The following PAN3 variants were observed in gnomAD, a reference collection of about 807,000 sequenced individuals.
The protein encoded by PAN3 is PAN2-PAN3 deadenylation complex subunit PAN3.
A neutral mutation model predicts 96.2 loss-of-function variants in PAN3; 19 were observed. That is an observed-to-expected ratio of 0.20 (90% CI 0.14 to 0.29). The LOEUF (loss-of-function observed/expected upper bound fraction) is 0.29, where lower values mean the gene tolerates loss of function less well. Ranked by LOEUF, PAN3 falls within the 10% of genes least tolerant of loss-of-function variation. PAN3 has a pLI of 1.00. For missense variants in PAN3, 882 were observed against 1,108.1 expected, an observed-to-expected ratio of 0.80 and a Z score of 2.90; for synonymous variants, 433 against 406.6, an observed-to-expected ratio of 1.06 and a Z score of -0.78.
rs894306493 is a variant in PAN3, at chr13:28,283,373, T to A, written c.2384+1994T>A. On this transcript the variant is annotated intron_variant, in intron 17 of 18. Transcript: ENST00000380958. ...CAGGAAATTATTCTTATTAATTAAA[T>A]TTTTTAAATAGGTTGTCTATGAATA... Among the ~76,000 whole-genome samples, 28 of 152,210 alleles carry A rather than the reference T, an allele frequency of 1.8e-4. 2 individuals are homozygous for A. Among genetic ancestry groups the A allele is most frequent in the Admixed American group, 1.7e-3 (26 of 15,278 alleles).
intron 6 of PAN3, among the ~76,000 whole-genome samples, chr13:28,220,711 CAGAA>C (rs1346950344): frequency 3.3e-5 from 5 of 152,076 alleles, no homozygotes; most frequent in Admixed American, 2.6e-4. Context: ...ACAAAGGCAT[CAGAA>C]AGAACGTGAA....
chr13:28,197,463 T>A (rs1317915302), intron 5 of PAN3, 117 bp downstream of exon 5: 7 of 973,830 alleles, frequency 7.2e-6, no homozygotes, highest in Non-Finnish European at 1.0e-5. Context: ...ACTTAGGTAA[T>A]TAAAAAAATT....
chr13:28,165,639 T>C (rs1309470175), intron 1 of PAN3, among the ~76,000 whole-genome samples: 1 of 152,190 alleles, frequency 6.6e-6, no homozygotes, highest in African/African-American at 2.4e-5. Context: ...TATTATTCTA[T>C]AGTGTCTTAG....
At chr13:28,232,627 A>C (rs1170624827) in intron 6 of PAN3, 1 of 151,920 alleles carries the variant, frequency 6.6e-6, no homozygotes, top group Non-Finnish European at 1.5e-5. Context: ...TAAAAAATTT[A>C]TAAAGATTAA....
Position 28,292,692 on chromosome 13 carries a change from A to G in PAN3, c.*170A>G. 1.9e-6 allele frequency: 1 copy of G among 520,990 alleles called. No individual in the cohort carries two copies. Among genetic ancestry groups the G allele is most frequent in the East Asian group, 3.5e-5 (1 of 28,958 alleles). The allele number at this position is 520,990 out of a possible 1,614,324, so 32.3% of individuals were successfully genotyped here. Reference sequence around the variant, plus strand: ...TGTTACTTGAAAGGAAGAATGTTTCACTTACCCAAGAGCTATGGCTGCCAT... The same window carrying G: ...TGTTACTTGAAAGGAAGAATGTTTCGCTTACCCAAGAGCTATGGCTGCCAT... On this transcript the variant is annotated 3_prime_UTR_variant, in exon 19 of 19. Transcript: ENST00000380958.
intron 4 of PAN3, among the ~76,000 whole-genome samples, chr13:28,194,466 A>ATATATATATTTTTTTTT (rs1429166016): frequency 8.2e-6 from 1 of 122,116 alleles, no homozygotes; most frequent in African/African-American, 3.6e-5. Context: ...ATATATATAT[A>ATATATATATTTTTTTTT]TTTTTTTTTT....
chr13:28,159,165 A>G (rs1224298891), intron 1 of PAN3, among the ~76,000 whole-genome samples: 1 of 152,206 alleles, frequency 6.6e-6, no homozygotes, highest in Admixed American at 6.5e-5. Flanking sequence ...TGTTCATTGC[A>G]GCACTCTTCA....
chr13:28,259,487 A>G (rs977071135), intron 7 of PAN3, among the ~76,000 whole-genome samples: 3 of 151,666 alleles, frequency 2.0e-5, no homozygotes, highest in Non-Finnish European at 4.4e-5. Context: ...TTGTATTTTT[A>G]GTAGAGACAG....
chr13:28,205,051 A>G (rs531244308), intron 5 of PAN3, among the ~76,000 whole-genome samples: 5 of 152,050 alleles, frequency 3.3e-5, no homozygotes, highest in African/African-American at 7.2e-5. Flanking sequence ...CTCTTGGCCT[A>G]TAAATTCTCA....
At chr13:28,164,086 AAAAAC>A (rs1214601893) in intron 1 of PAN3, among the ~76,000 whole-genome samples, 2 of 152,158 alleles carry the variant, frequency 1.3e-5, no homozygotes, top group Non-Finnish European at 2.9e-5. Flanking sequence ...GAGCTGTCTC[AAAAAC>A]AAAACCAAAC....
intron 12 of PAN3, among the ~76,000 whole-genome samples, chr13:28,268,280 A>G (rs1566246141): frequency 6.6e-6 from 1 of 151,968 alleles, no homozygotes; most frequent in Admixed American, 6.6e-5. Context: ...TATTTTCCCC[A>G]TAGTTTTTAT....
rs546695534 is a variant in PAN3, at chr13:28,256,402, G to A, written c.1111G>A (p.Val371Met). ...CACTCCAAATCCAGCAAGTTACATG[G>A]TGCCTTCTAGTGCCTCTACATCTGT... is the stretch of plus-strand genomic sequence containing the variant. ...SHTPNPASYM[V>M]PSSASTSVNN... Residue 371 changes from valine (V) to methionine (M), a missense_variant, in exon 7 of 19, where the codon GTG becomes ATG. Transcript: ENST00000380958. The A allele has an allele frequency of 4.1e-5, 66 of 1,614,014 alleles. 1 individual carries two copies. In the South Asian group the frequency reaches 6.6e-4, roughly 16 times the overall value.
chr13:28,213,592 T>C (rs981705433), intron 5 of PAN3, among the ~76,000 whole-genome samples: 6 of 152,018 alleles, frequency 3.9e-5, no homozygotes, highest in Admixed American at 3.9e-4. Context: ...GTTTACTGTT[T>C]TGAAACGTAC....
At chr13:28,163,729 T>C (rs1015877350) in intron 1 of PAN3, among the ~76,000 whole-genome samples, 5 of 152,344 alleles carry the variant, frequency 3.3e-5, no homozygotes, top group African/African-American at 4.8e-5. Flanking sequence ...AATGAGTATA[T>C]CATTGTAACT....
intron 5 of PAN3, among the ~76,000 whole-genome samples, chr13:28,211,713 C>T (rs1241378005): frequency 6.6e-6 from 1 of 152,134 alleles, no homozygotes; most frequent in Non-Finnish European, 1.5e-5. Context: ...GGTGAAAGAA[C>T]AGAGATTAGA....
At chr13:28,268,011 T>C (rs955365134) in intron 12 of PAN3, among the ~76,000 whole-genome samples, 1 of 152,242 alleles carries the variant, frequency 6.6e-6, no homozygotes, top group Non-Finnish European at 1.5e-5. Flanking sequence ...AGATATCAGA[T>C]ATTTAACTGG....
At chr13:28,267,471 T>A (rs1886278167) in intron 12 of PAN3, 70 bp downstream of exon 12, 1 of 1,241,608 alleles carries the variant, frequency 8.1e-7, no homozygotes, top group African/African-American at 1.5e-5. Context: ...AGTTTTCTAT[T>A]TTAAAATACG....
At position 28,138,995 on chromosome 13, in the gene PAN3, G is replaced by C; in HGVS notation, c.338G>C (p.Gly113Ala). The change falls in exon 1 of 19, where the codon GGG (glycine) becomes GCG (alanine). Residue 113 changes from glycine to alanine, a missense_variant. By Grantham distance (60) the Gly-to-Ala change is moderately conservative (BLOSUM62 0). Around this residue, in one of 3 missense-constraint regions of PAN3, gnomAD observed 442 missense variants for 422.8 expected, o/e 1.05. Transcript: ENST00000380958. ...VAGGGAGPPPGPKKPDLGDPG... is the reference protein window; with the variant it reads ...VAGGGAGPPPAPKKPDLGDPG... ...GGCGGGGGAGCTGGGCCGCCCCCCG[G>C]GCCCAAGAAGCCGGACCTGGGGGAC... is the stretch of plus-strand genomic sequence containing the variant. The C allele has an allele frequency of 1.6e-6, 2 of 1,273,574 alleles. No individual in the cohort carries two copies. The highest frequency in any genetic ancestry group is 2.0e-6 in the Non-Finnish European group (2 of 1,010,166). 78.9% of individuals were successfully genotyped at this position (1,273,574 alleles called of 1,614,324 possible). A position where few individuals can be genotyped will look rare whatever the true frequency, so the allele number is the denominator to read the frequency against.
At chr13:28,266,562 T>A (rs937854611) in intron 9 of PAN3, among the ~76,000 whole-genome samples, 153 bp from the exon 10 acceptor site, 6 of 152,212 alleles carry the variant, frequency 3.9e-5, no homozygotes, top group African/African-American at 1.4e-4. Context: ...TAGTTTGTCT[T>A]ATGGAATTGT....
Sources: gnomAD v4.1 joint callset for allele counts (sites outside exome capture counted in the v4.1 genomes callset) on GRCh38, gnomAD v4.1.1 for gene constraint, gnomAD v4.1.1 regional missense constraint, MANE v1.5 for transcripts, NCBI Gene and HGNC (gene_info 2026-07-23, HGNC 2026-07-21) for gene names.